The following HS6ST3 variants were observed in gnomAD, a reference collection of about 807,000 sequenced individuals.
HS6ST3 encodes heparan sulfate 6-O-sulfotransferase 3.
A neutral mutation model predicts 36.7 loss-of-function variants in HS6ST3; 12 were observed. The observed-to-expected ratio is 0.33, with a 90% CI of 0.21 to 0.53. The LOEUF (loss-of-function observed/expected upper bound fraction) is 0.53, where lower values mean the gene tolerates loss of function less well. Among genes scored for constraint, HS6ST3 ranks in the 20% least tolerant of loss-of-function variants. The probability of loss-of-function intolerance (pLI) is 0.95; values close to 1 mark genes in which losing one functional copy is unlikely to be tolerated. For missense variants in HS6ST3, 584 were observed against 640.9 expected (o/e 0.91, Z 0.96); for synonymous variants, 240 against 257.5 (o/e 0.93, Z 0.65).
At chr13:96,580,034 T>C (rs1369987539) in intron 1 of HS6ST3, among the ~76,000 whole-genome samples, 1 of 152,088 alleles carries the variant, frequency 6.6e-6, no homozygotes, top group East Asian at 1.9e-4. Flanking sequence ...TTATTTACTA[T>C]ATAATACCTT....
chr13:96,556,857 T>G (rs1418253805), intron 1 of HS6ST3, among the ~76,000 whole-genome samples: 2 of 152,152 alleles, frequency 1.3e-5, no homozygotes, highest in Non-Finnish European at 2.9e-5. Flanking sequence ...AAAAGAAGTT[T>G]CCAATGCTAC....
chr13:96,164,382 C>T (rs963835863), intron 1 of HS6ST3, among the ~76,000 whole-genome samples: 5 of 151,694 alleles, frequency 3.3e-5, no homozygotes, highest in African/African-American at 9.7e-5. Context: ...AGTGAGACAC[C>T]GTCTATACAA....
At chr13:96,148,384 T>C (rs1158069438) in intron 1 of HS6ST3, among the ~76,000 whole-genome samples, 2 of 152,164 alleles carry the variant, frequency 1.3e-5, no homozygotes, top group South Asian at 2.1e-4. Flanking sequence ...GAGTATATCC[T>C]GAACATGGTC....
At chr13:96,746,240 A>G (rs1347340620) in intron 1 of HS6ST3, among the ~76,000 whole-genome samples, 3 of 152,046 alleles carry the variant, frequency 2.0e-5, no homozygotes, top group Non-Finnish European at 4.4e-5. Context: ...CCAGTTTTGC[A>G]TTGAGGAATT....
chr13:96,800,522 G>C lies in HS6ST3; in HGVS notation c.708-31968G>C, dbSNP rs546395555. Among the ~76,000 whole-genome samples, 71 of 152,080 alleles carry C rather than the reference G, an allele frequency of 4.7e-4. 2 individuals carry two copies. The South Asian group carries it at 6.9e-3, about 15-fold the overall frequency. ...CAGAATTCTGTGCTTGTATCCCAAG[G>C]TCAAAACTTTGAAATCTGGGGCAAG... On this transcript the variant is annotated intron_variant, in intron 1 of 1. Coordinates refer to ENST00000376705, the MANE Select transcript of HS6ST3 (RefSeq NM_153456.4).
intron 1 of HS6ST3, among the ~76,000 whole-genome samples, chr13:96,160,316 G>C (rs2139328295): frequency 1.3e-5 from 2 of 152,298 alleles, no homozygotes; most frequent in Middle Eastern, 3.4e-3. Context: ...TCATTATGCT[G>C]TTCTGATGAG....
At position 96,536,968 on chromosome 13, in the gene HS6ST3, T is replaced by C. The variant is rs372593925; in HGVS notation, c.708-295522T>C. On this transcript the variant is annotated intron_variant, in intron 1 of 1. Coordinates refer to ENST00000376705, the MANE Select transcript of HS6ST3 (RefSeq NM_153456.4). Reference sequence around the variant, plus strand: ...ATTATTTAAACATTTATCAGGCACCTGCCTTGTGTAAGATGTAAGAATCCT... The same window carrying C: ...ATTATTTAAACATTTATCAGGCACCCGCCTTGTGTAAGATGTAAGAATCCT... Among the ~76,000 whole-genome samples, 250 of 152,332 alleles carry C rather than the reference T, an allele frequency of 1.6e-3. 5 individuals are homozygous for C. The South Asian group carries it at 0.049, about 30-fold the overall frequency.
At chr13:96,390,561 T>C (rs1356369199) in intron 1 of HS6ST3, among the ~76,000 whole-genome samples, 2 of 152,338 alleles carry the variant, frequency 1.3e-5, no homozygotes, top group Non-Finnish European at 2.9e-5. Context: ...TCATAAGCTA[T>C]GCATTTTTAT....
chr13:96,818,859 T>C (rs1265084937), intron 1 of HS6ST3, among the ~76,000 whole-genome samples: 1 of 152,240 alleles, frequency 6.6e-6, no homozygotes, highest in Non-Finnish European at 1.5e-5. Flanking sequence ...CATAAAAGTC[T>C]ACAAGGGTTG....
At chr13:96,230,265 C>T (rs908992722) in intron 1 of HS6ST3, among the ~76,000 whole-genome samples, 4 of 152,030 alleles carry the variant, frequency 2.6e-5, no homozygotes, top group Admixed American at 2.6e-4. Flanking sequence ...AACAAGAGCC[C>T]ATCATTTTGG....
In HS6ST3 at chr13:96,144,330, T is replaced by C. The variant is rs182476268; in HGVS notation, c.707+52761T>C. Among the ~76,000 whole-genome samples the C allele has an allele frequency of 2.3e-3, 346 of 152,294 alleles. 3 individuals are homozygous for C. The highest frequency in any genetic ancestry group is 7.9e-3 in the African/African-American group (329 of 41,568). ...TACTGTAAAAAATAGTTATTAGAAATGTCAGCTTCCAAACTTTTGATGCAT... is the reference window on the plus strand; with the variant it reads ...TACTGTAAAAAATAGTTATTAGAAACGTCAGCTTCCAAACTTTTGATGCAT... On this transcript the variant is annotated intron_variant, in intron 1 of 1. Coordinates refer to ENST00000376705, the MANE Select transcript of HS6ST3 (RefSeq NM_153456.4).
intron 1 of HS6ST3, among the ~76,000 whole-genome samples, chr13:96,131,811 G>A (rs1049831898): frequency 1.3e-5 from 2 of 149,358 alleles, no homozygotes; most frequent in Non-Finnish European, 3.0e-5. Context: ...AGATAATGGC[G>A]TGGAGACCAT....
At chr13:96,705,467 A>T (rs1161982844) in intron 1 of HS6ST3, among the ~76,000 whole-genome samples, 1 of 152,090 alleles carries the variant, frequency 6.6e-6, no homozygotes, top group Non-Finnish European at 1.5e-5. Context: ...TCTTCCTGGG[A>T]GCACTGGAAA....
intron 1 of HS6ST3, among the ~76,000 whole-genome samples, chr13:96,237,032 T>C (rs1271700110): frequency 6.6e-6 from 1 of 152,212 alleles, no homozygotes; most frequent in African/African-American, 2.4e-5. Flanking sequence ...GATTGAGAAC[T>C]GAGCCAAGGG....
chr13:96,404,444 C>G (rs768286151), intron 1 of HS6ST3, among the ~76,000 whole-genome samples: 1 of 152,278 alleles, frequency 6.6e-6, no homozygotes, highest in East Asian at 1.9e-4. Context: ...AGCAAAATTA[C>G]TTAACATTTT....
intron 1 of HS6ST3, among the ~76,000 whole-genome samples, chr13:96,643,382 C>T (rs192397648): frequency 1.9e-4 from 29 of 152,036 alleles, no homozygotes; most frequent in Middle Eastern, 3.4e-3. Context: ...TAGCTATATG[C>T]ACACCCCTAC....
At chr13:96,444,836 T>C (rs2055690267) in intron 1 of HS6ST3, among the ~76,000 whole-genome samples, 1 of 152,194 alleles carries the variant, frequency 6.6e-6, no homozygotes. Flanking sequence ...TGGTAGTTTC[T>C]TACAGACTGA....
intron 1 of HS6ST3, among the ~76,000 whole-genome samples, chr13:96,608,991 G>A (rs2056448356): frequency 6.6e-6 from 1 of 151,694 alleles, no homozygotes; most frequent in South Asian, 2.1e-4. Context: ...TTATTTTGAG[G>A]CAGAGTCTCA....
intron 1 of HS6ST3, among the ~76,000 whole-genome samples, chr13:96,805,635 C>T (rs1399264327): frequency 6.6e-6 from 1 of 152,160 alleles, no homozygotes; most frequent in Non-Finnish European, 1.5e-5. Context: ...ATCTTAAACC[C>T]TATGAGCTAG....
Sources: gnomAD v4.1 joint callset for allele counts (sites outside exome capture counted in the v4.1 genomes callset) on GRCh38, gnomAD v4.1.1 for gene constraint, MANE v1.5 for transcripts, NCBI Gene and HGNC (gene_info 2026-07-23, HGNC 2026-07-21) for gene names.